The following INTS6L variants were observed in gnomAD, a reference collection of about 807,000 sequenced individuals.
INTS6L encodes integrator complex subunit 6-like.
INTS6L carries 18 observed loss-of-function variants against 64.7 expected under a neutral mutation model. The ratio of observed to expected loss-of-function variants is 0.28; its 90% CI spans 0.19 to 0.41. INTS6L has a LOEUF of 0.41. Among genes scored for constraint, INTS6L ranks in the 10% least tolerant of loss-of-function variants. INTS6L has a pLI of 1.00. For synonymous variants in INTS6L, 227 were observed against 235.9 expected (o/e 0.96, Z 0.34); for missense variants, 533 against 661.0 (o/e 0.81, Z 2.12).
rs191046017 is a variant in INTS6L, at chrX:135,563,977, C to T, written c.1193-5360C>T. Among the ~76,000 whole-genome samples the T allele has an allele frequency of 3.1e-3, 344 of 110,772 alleles. 4 individuals carry two copies. The highest frequency in any genetic ancestry group is 0.011 in the African/African-American group (327 of 30,371). On this transcript the variant is annotated intron_variant, in intron 9 of 17. Coordinates refer to ENST00000639893, the MANE Select transcript of INTS6L (RefSeq NM_001351601.3). ...TCTCCTTCCAAATTTGGCCGGTTTT[C>T]AGCCATTATTACCTTGAGTACTTTT...
intron 16 of INTS6L, 74 bp from the exon 17 acceptor site, chrX:135,580,976 A>G (rs2087356301): frequency 1.4e-6 from 1 of 711,245 alleles, no homozygotes; most frequent in Non-Finnish European, 2.0e-6. Flanking sequence ...ACAATTACTA[A>G]GGATGTACAA....
intron 2 of INTS6L, among the ~76,000 whole-genome samples, chrX:135,523,326 C>T (rs935616589): frequency 1.1e-4 from 10 of 94,275 alleles, no homozygotes; most frequent in Admixed American, 4.2e-4. Flanking sequence ...TGCTTGAACC[C>T]GGGAGTCGGA....
intron 2 of INTS6L, among the ~76,000 whole-genome samples, chrX:135,540,336 G>A (rs1014481415): frequency 8.9e-6 from 1 of 111,994 alleles, no homozygotes; most frequent in Non-Finnish European, 1.9e-5. Context: ...GGGTGGTTGT[G>A]AGGTTCATGT....
In INTS6L at chrX:135,581,081, A is replaced by T; in HGVS notation, c.2526A>T (p.Glu842Asp). The T allele has an allele frequency of 1.7e-6, 2 of 1,186,406 alleles. No individual in the cohort carries two copies. Among genetic ancestry groups the T allele is most frequent in the Admixed American group, 4.8e-5 (2 of 41,262 alleles). The stretch of plus-strand genomic sequence containing the variant: ...AAAGAATTTTCATTTTGCTTGAAGA[A>T]GTGCAAGGACCTCTGGAGATGAAGA... ...KYERIFILLE[E>D]VQGPLEMKKQ... The change falls in exon 17 of 18, where the codon GAA becomes GAT. Residue 842 changes from glutamate to aspartate, a missense_variant. By Grantham distance (45) the Glu-to-Asp change is conservative. Transcript: ENST00000639893.
At chrX:135,546,133 G>A (rs781839027) in intron 3 of INTS6L, among the ~76,000 whole-genome samples, 11 of 112,009 alleles carry the variant, frequency 9.8e-5, no homozygotes, top group Non-Finnish European at 1.7e-4. Flanking sequence ...CAGAGTGAGA[G>A]AGGTATTTGA....
intron 8 of INTS6L, among the ~76,000 whole-genome samples, chrX:135,552,399 C>T (rs1004046022): frequency 9.0e-6 from 1 of 111,422 alleles, no homozygotes; most frequent in Admixed American, 9.5e-5. Context: ...TTGGGGGACC[C>T]CTTGAAGTCT....
rs1175830008 is a variant in INTS6L at position 135,581,661 on chromosome X, G to T, written c.*25G>T. On this transcript the variant is annotated 3_prime_UTR_variant, in exon 18 of 18. Transcript: ENST00000639893. ...GTGCAAAGACCAGTGAGAAAAAAAT[G>T]ACAAGTTTTCTGTGCTGTAGGATGG... 4.3e-6 allele frequency: 5 copies of T among 1,152,341 alleles called. No homozygotes were observed. The highest frequency in any genetic ancestry group is 1.8e-5 in the African/African-American group (1 of 56,013). The allele number at this position is 1,152,341 out of a possible 1,213,427, so 95.0% of individuals were successfully genotyped here.
At chrX:135,529,062 T>C (rs1174854282) in intron 2 of INTS6L, among the ~76,000 whole-genome samples, 2 of 111,769 alleles carry the variant, frequency 1.8e-5, no homozygotes, top group African/African-American at 3.3e-5. Context: ...GGGTTAGAAG[T>C]CTTTTCCTGG....
chrX:135,565,860 G>T (rs879985038), intron 9 of INTS6L, among the ~76,000 whole-genome samples: 2 of 111,620 alleles, frequency 1.8e-5, no homozygotes, highest in Admixed American at 1.9e-4. Context: ...TGCCAATCTT[G>T]ACTCAGTTCC....
At position 135,574,018 on chromosome X, in the gene INTS6L, CCAATCT is replaced by C; in HGVS notation, c.1698_1703del (p.Asn567_Leu568del). ...TTAGACCAGCTGACCAGAATGAGAT[CCAATCT>C]GCTGAAAACGCACAAGTTTATTGTT... On this transcript the variant is annotated inframe_deletion, in exon 13 of 18. Transcript: ENST00000639893. 8.3e-7 allele frequency: 1 copy of C among 1,204,732 alleles called. No individual in the cohort carries two copies. Among genetic ancestry groups the C allele is most frequent in the Non-Finnish European group, 1.1e-6 (1 of 892,784 alleles).
intron 5 of INTS6L, 38 bp from the exon 6 acceptor site, chrX:135,547,099 G>T (rs782152837): frequency 3.4e-6 from 4 of 1,192,311 alleles, no homozygotes; most frequent in East Asian, 5.9e-5. Context: ...AATTATATTT[G>T]ATCAAACTTG....
chrX:135,547,095 A>G (rs782317646), intron 5 of INTS6L, 42 bp from the exon 6 acceptor site: 6 of 1,189,215 alleles, frequency 5.0e-6, no homozygotes, highest in Non-Finnish European at 6.8e-6. Flanking sequence ...ATGAAATTAT[A>G]TTTGATCAAA....
At chrX:135,574,966 C>T (rs2087183585) in intron 13 of INTS6L, 118 bp from the exon 14 acceptor site, 1 of 743,271 alleles carries the variant, frequency 1.3e-6, no homozygotes, top group Non-Finnish European at 2.0e-6. Flanking sequence ...AGATTCGAGA[C>T]TTTAAATACT....
chrX:135,579,749 C>T, intron 15 of INTS6L, 39 bp from the exon 16 acceptor site: 2 of 1,151,040 alleles, frequency 1.7e-6, no homozygotes, highest in Non-Finnish European at 2.3e-6. Flanking sequence ...TGACATAATA[C>T]CCTTACCTCA....
intron 2 of INTS6L, among the ~76,000 whole-genome samples, chrX:135,528,536 G>A (rs984098716): frequency 9.0e-6 from 1 of 111,139 alleles, no homozygotes; most frequent in African/African-American, 3.3e-5. Flanking sequence ...TCATAGATTG[G>A]CTACATTTAC....
intron 8 of INTS6L, among the ~76,000 whole-genome samples, chrX:135,555,174 C>T (rs1437954970): frequency 1.8e-5 from 2 of 111,561 alleles, no homozygotes; most frequent in Non-Finnish European, 3.8e-5. Context: ...TAGGCGTGAG[C>T]CACCGCACTC....
Position 135,549,714 on chromosome X carries a change from T to G in INTS6L, c.815T>G (p.Ile272Ser). ...AQPWHSCHKL[I>S]YVRPNSKTGV... ...CCATGGCATAGTTGTCATAAACTCA[T>G]TTATGTACGACCTAACTCTAAAACT... Residue 272 changes from isoleucine to serine, a missense_variant, in exon 7 of 18, where the codon ATT (isoleucine) becomes AGT (serine). Transcript: ENST00000639893. 1 of 1,211,883 alleles carries G rather than the reference T, an allele frequency of 8.3e-7. No homozygotes were observed. The highest frequency in any genetic ancestry group is 1.1e-6 in the Non-Finnish European group (1 of 895,322).
intron 9 of INTS6L, among the ~76,000 whole-genome samples, chrX:135,566,757 G>A (rs2086961373): frequency 8.9e-6 from 1 of 111,993 alleles, no homozygotes; most frequent in Admixed American, 9.5e-5. Flanking sequence ...TTTCTATTGA[G>A]ACCTAATAAC....
chrX:135,531,150 G>C (rs962596421), intron 2 of INTS6L, among the ~76,000 whole-genome samples: 9 of 112,327 alleles, frequency 8.0e-5, no homozygotes, highest in Non-Finnish European at 1.3e-4. Context: ...AGCTACTTGG[G>C]CAAAGTTACT....
Sources: allele counts gnomAD v4.1 joint callset (sites outside exome capture counted in the v4.1 genomes callset), GRCh38; gene constraint gnomAD v4.1.1; transcripts MANE v1.5; gene names NCBI Gene and HGNC (gene_info 2026-07-23, HGNC 2026-07-21).